Variants in NCSTN observed in about 807,000 individuals in gnomAD.
The protein encoded by NCSTN is anterior pharynx-defective 2.
A neutral mutation model predicts 87.0 loss-of-function variants in NCSTN; 22 were observed. That is an observed-to-expected ratio of 0.25 (90% CI 0.18 to 0.36). The LOEUF is 0.36. NCSTN is among the 10% of genes least tolerant of loss of function. The pLI is 1.00. For missense variants in NCSTN, 693 were observed against 883.3 expected, an observed-to-expected ratio of 0.78 and a Z score of 2.73; for synonymous variants, 306 against 327.1, an observed-to-expected ratio of 0.94 and a Z score of 0.69.
chr1:160,357,182 T>C lies in NCSTN; in HGVS notation c.1936T>C (p.Ser646Pro). Reference protein sequence around the residue: ...ELSQWSSTEYSTWTESRWKDI... With the variant: ...ELSQWSSTEYPTWTESRWKDI... Reference sequence around the variant, plus strand: ...GAGTCAGTGGAGCTCTACTGAATACTCTACATGGACTGAGAGCCGCTGGAA... The same window carrying C: ...GAGTCAGTGGAGCTCTACTGAATACCCTACATGGACTGAGAGCCGCTGGAA... Residue 646 changes from serine to proline, a missense_variant, in exon 16 of 17, where the codon TCT (serine) becomes CCT (proline). This residue lies in a region of NCSTN where 216 missense variants were observed against 311.7 expected (regional missense o/e 0.69). Coordinates refer to ENST00000294785, the MANE Select transcript of NCSTN (RefSeq NM_015331.3). 1.2e-6 allele frequency: 2 copies of C among 1,614,174 alleles called. No homozygotes were observed. The highest frequency in any genetic ancestry group is 1.7e-6 in the Non-Finnish European group (2 of 1,180,024).
chr1:160,351,805 G>A lies in NCSTN; in HGVS notation c.843G>A (p.Arg281=). 6.3e-7 allele frequency: 1 copy of A among 1,596,732 alleles called. No homozygotes were observed. The highest frequency in any genetic ancestry group is 8.6e-7 in the Non-Finnish European group (1 of 1,164,218). Reference sequence around the variant, plus strand: ...ACAGGGTTGTGGTTGCTGCCACCCGGGTGAGTGTTGGCTTCTGATCAGGAT... The same window carrying A: ...ACAGGGTTGTGGTTGCTGCCACCCGAGTGAGTGTTGGCTTCTGATCAGGAT... ...PDDRVVVAAT[R]LDSRSFFWNV... is the part of the protein sequence containing the mutation. Residue 281 remains arginine (R), a splice_region_variant and synonymous_variant, in exon 7 of 17, where the codon CGG becomes CGA. Transcript: ENST00000294785.
intron 1 of NCSTN, 168 bp from the exon 2 acceptor site, chr1:160,344,552 ATC>A (rs1419934975): frequency 5.8e-6 from 9 of 1,550,712 alleles, no homozygotes; most frequent in Non-Finnish European, 7.8e-6. Flanking sequence ...TAGAACATGT[ATC>A]TGTTACGATA....
rs1041921165 is a variant in NCSTN at position 160,343,422 on chromosome 1, G to A, written c.26G>A (p.Gly9Glu). ...ATGGCTACGGCAGGGGGTGGCTCTG[G>A]GGCTGACCCGGGAAGTCGGGGTCTC... MATAGGGS[G>E]ADPGSRGLLR... The change falls in exon 1 of 17, where the codon GGG (glycine) becomes GAG (glutamate). Residue 9 changes from glycine (G) to glutamate (E), a missense_variant. By Grantham distance (98) the Gly-to-Glu change is moderately conservative. Transcript: ENST00000294785. The A allele has an allele frequency of 6.2e-7, 1 of 1,612,748 alleles. No homozygotes were observed.
chr1:160,353,336 G>T, intron 10 of NCSTN, 99 bp downstream of exon 10: 1 of 1,591,782 alleles, frequency 6.3e-7, no homozygotes, highest in South Asian at 1.1e-5. Context: ...CTGTGAGACA[G>T]GGTAAGAGAC....
chr1:160,356,440 CCT>C (rs1213742696), intron 14 of NCSTN, 93 bp downstream of exon 14: 4 of 1,439,160 alleles, frequency 2.8e-6, no homozygotes, highest in Non-Finnish European at 3.9e-6. Context: ...TTTTCTTTTT[CCT>C]CTCTGTTTTT....
rs1269988585 is a variant in NCSTN at position 160,358,427 on chromosome 1, GAAAT to G, written c.*165_*168del. ...TGGAACTATCCAAAAGAGACAGGGA[GAAAT>G]AAATAAATTGCCTCCCTTCCTCCGC... On this transcript the variant is annotated 3_prime_UTR_variant, in exon 17 of 17. Transcript: ENST00000294785. 16 of 1,005,208 alleles carry G rather than the reference GAAAT, an allele frequency of 1.6e-5. No homozygotes were observed. The highest frequency in any genetic ancestry group is 5.4e-5 in the South Asian group (4 of 73,652). The allele number at this position is 1,005,208 out of a possible 1,614,324, so 62.3% of individuals were successfully genotyped here.
chr1:160,345,955 A>G (rs796094035), intron 2 of NCSTN, among the ~76,000 whole-genome samples: 12 of 151,644 alleles, frequency 7.9e-5, no homozygotes, highest in African/African-American at 2.2e-4. Context: ...AAAAAAAAAA[A>G]AAAAAAGAAA....
At chr1:160,356,825 C>T (rs1433919287) in intron 15 of NCSTN, 71 bp downstream of exon 15, 1 of 1,582,360 alleles carries the variant, frequency 6.3e-7, no homozygotes, top group Non-Finnish European at 8.6e-7. Flanking sequence ...TTCTTCTAGA[C>T]CTAGTTAGAC....
intron 1 of NCSTN, chr1:160,344,375 CA>C: frequency 8.8e-7 from 1 of 1,141,162 alleles, no homozygotes; most frequent in Non-Finnish European, 1.2e-6. Flanking sequence ...TAGTAATATA[CA>C]TACAGGATAT....
Position 160,356,425 on chromosome 1 carries a change from A to T in NCSTN, c.1639+78A>T, listed in dbSNP as rs369933323. 12 of 1,459,908 alleles carry T rather than the reference A, an allele frequency of 8.2e-6. No homozygotes were observed. The South Asian group carries it at 1.1e-4, about 13-fold the overall frequency. The allele number at this position is 1,459,908 out of a possible 1,614,324, so 90.4% of individuals were successfully genotyped here. On this transcript the variant is annotated intron_variant, in intron 14 of 16. Transcript: ENST00000294785. ...AAAGTCTTTTGGTTTAACCTTTATT[A>T]TTTTTTTTCTTTTTCCTCTCTGTTT...
intron 1 of NCSTN, chr1:160,344,032 G>C (rs1055465638): frequency 1.7e-5 from 4 of 233,494 alleles, no homozygotes; most frequent in African/African-American, 1.0e-4. Flanking sequence ...TGAAGACCCT[G>C]AAGTAACAAT....
intron 16 of NCSTN, among the ~76,000 whole-genome samples, chr1:160,357,587 A>G (rs1242073876): frequency 4.6e-5 from 7 of 152,194 alleles, no homozygotes; most frequent in African/African-American, 1.7e-4. Flanking sequence ...TTTTATTTTT[A>G]GTAGAGATGG....
chr1:160,351,837 G>C, intron 7 of NCSTN, 32 bp downstream of exon 7: 1 of 1,554,982 alleles, frequency 6.4e-7, no homozygotes, highest in Non-Finnish European at 8.9e-7. Context: ...GGATGGGCAG[G>C]GCTGGCACAA....
chr1:160,351,984 G>A, intron 7 of NCSTN, 70 bp from the exon 8 acceptor site: 2 of 1,575,440 alleles, frequency 1.3e-6, no homozygotes, highest in East Asian at 2.2e-5. Flanking sequence ...TCTCTTGACT[G>A]GAGCAAGAAA....
intron 2 of NCSTN, among the ~76,000 whole-genome samples, chr1:160,345,784 A>G (rs1186536670): frequency 1.3e-5 from 2 of 151,344 alleles, no homozygotes; most frequent in African/African-American, 4.9e-5. Context: ...TAAAAATACA[A>G]AAATTAGCCG....
At chr1:160,356,086 C>A in intron 13 of NCSTN, 128 bp downstream of exon 13, 1 of 1,075,240 alleles carries the variant, frequency 9.3e-7, no homozygotes, top group Non-Finnish European at 1.4e-6. Flanking sequence ...GCCTCATGCC[C>A]CAGAGAGCTC....
At chr1:160,354,004 T>G in intron 10 of NCSTN, 114 bp from the exon 11 acceptor site, 1 of 1,137,078 alleles carries the variant, frequency 8.8e-7, no homozygotes, top group South Asian at 1.3e-5. Flanking sequence ...CTACTAGAGA[T>G]AGGGTAGCTC....
At chr1:160,353,597 A>G (rs1423201157) in intron 10 of NCSTN, 1 of 1,209,130 alleles carries the variant, frequency 8.3e-7, no homozygotes, top group Non-Finnish European at 1.0e-6. Flanking sequence ...TCGCTGCCCA[A>G]CTTGTCCTCC....
chr1:160,349,643 A>C lies in NCSTN; in HGVS notation c.409A>C (p.Ser137Arg). Residue 137 changes from serine (S) to arginine (R), a missense_variant, in exon 4 of 17, where the codon AGT (serine) becomes CGT (arginine). Ser to Arg is a moderately radical substitution (Grantham distance 110). This residue lies in a region of NCSTN where 235 missense variants were observed against 233.9 expected (regional missense o/e 1.00). Coordinates refer to ENST00000294785, the MANE Select transcript of NCSTN (RefSeq NM_015331.3). ...KPSPASGFSPSVQCPNDGFGV... is the reference protein window; with the variant it reads ...KPSPASGFSPRVQCPNDGFGV... ...CAGTCCTGCCTCAGGCTTCTCTCCT[A>C]GTGTACAGTGCCCAAATGATGGGTT... 1 of 1,614,002 alleles carries C rather than the reference A, an allele frequency of 6.2e-7. No homozygotes were observed. The highest frequency in any genetic ancestry group is 1.3e-5 in the African/African-American group (1 of 75,002).
Sources: gnomAD v4.1 joint callset for allele counts (sites outside exome capture counted in the v4.1 genomes callset) on GRCh38, gnomAD v4.1.1 for gene constraint, gnomAD v4.1.1 regional missense constraint, MANE v1.5 for transcripts, NCBI Gene and HGNC (gene_info 2026-07-23, HGNC 2026-07-21) for gene names.